The following CYP4F2 variants were observed in gnomAD, a reference collection of about 807,000 sequenced individuals.
CYP4F2 encodes the protein cytochrome P450 4F2.
A neutral mutation model predicts 58.9 loss-of-function variants in CYP4F2; 58 were observed. That is an observed-to-expected ratio of 0.98 (90% confidence interval 0.80 to 1.23). CYP4F2 has a LOEUF of 1.23. Among genes scored for constraint, CYP4F2 ranks in the 50% most tolerant of loss-of-function variants. The probability of loss-of-function intolerance (pLI) is 0.00; values close to 1 mark genes in which losing one functional copy is unlikely to be tolerated. For missense variants in CYP4F2, 616 were observed against 685.6 expected, an observed-to-expected ratio of 0.90 and a Z score of 1.13; for synonymous variants, 287 against 261.1, an observed-to-expected ratio of 1.10 and a Z score of -0.95.
In CYP4F2 at chr19:15,892,729, G is replaced by A. The variant is rs866689602; in HGVS notation, c.344-147C>T. The A allele has an allele frequency of 4.0e-6, 5 of 1,245,996 alleles. No homozygotes were observed. In the South Asian group the frequency reaches 7.5e-5, roughly 19 times the overall value. The allele number at this position is 1,245,996 out of a possible 1,614,324, so 77.2% of individuals were successfully genotyped here. On this transcript the variant is annotated intron_variant, in intron 3 of 12. Transcript: ENST00000221700. ...GAGGGCCAAGGGCAGAGGAAGAAGG[G>A]AGGATGGGGAGGGGAGGGAAGACCA...
At chr19:15,883,857 G>A (rs549103551) in intron 9 of CYP4F2, among the ~76,000 whole-genome samples, 1 of 152,060 alleles carries the variant, frequency 6.6e-6, no homozygotes, top group Non-Finnish European at 1.5e-5. Flanking sequence ...TCAGGAGTTC[G>A]AGACCAGCCT....
chr19:15,886,126 G>C lies in CYP4F2; in HGVS notation c.986-73C>G. ...CGAAGGTAGACAGCACCCATGCATT[G>C]AGGGCCTCAGGGAGGATGGGGGAAG... On this transcript the variant is annotated intron_variant, in intron 8 of 12. Coordinates refer to ENST00000221700, the MANE Select transcript of CYP4F2 (RefSeq NM_001082.5). The C allele has an allele frequency of 1.1e-5, 18 of 1,604,676 alleles. No individual in the cohort carries two copies. In the South Asian group the frequency reaches 1.9e-4, roughly 17 times the overall value.
Position 15,897,476 on chromosome 19 carries a change from G to C in CYP4F2, c.136C>G (p.Arg46Gly), listed in dbSNP as rs559132777. The C allele has an allele frequency of 6.2e-7, 1 of 1,614,000 alleles. No homozygotes were observed. The highest frequency in any genetic ancestry group is 1.3e-5 in the African/African-American group (1 of 75,000). Residue 46 changes from arginine (R) to glycine (G), a missense_variant, in exon 2 of 13, where the codon CGC becomes GGC. Coordinates refer to ENST00000221700, the MANE Select transcript of CYP4F2 (RefSeq NM_001082.5). Reference protein sequence around the residue: ...AWTYAFYDNCRRLRCFPQPPR... With the variant: ...AWTYAFYDNCGRLRCFPQPPR... ...GGTTGTGGGAAACACCGAAGGCGGCGGCAGTTGTCATAGAAGGCGTAGGTC... is the reference window on the plus strand; with the variant it reads ...GGTTGTGGGAAACACCGAAGGCGGCCGCAGTTGTCATAGAAGGCGTAGGTC...
At chr19:15,883,793 G>A (rs1297945678) in intron 9 of CYP4F2, among the ~76,000 whole-genome samples, 1 of 152,212 alleles carries the variant, frequency 6.6e-6, no homozygotes, top group Non-Finnish European at 1.5e-5. Flanking sequence ...GGGTGCGGTG[G>A]CTCATGCCTG....
At chr19:15,889,739 A>G (rs1329123175) in intron 6 of CYP4F2, 46 bp from the exon 7 acceptor site, 1 of 1,599,670 alleles carries the variant, frequency 6.3e-7, no homozygotes. Context: ...AATATACCTG[A>G]AGCCCCAGGA....
intron 9 of CYP4F2, among the ~76,000 whole-genome samples, chr19:15,885,671 G>C (rs1468685398): frequency 5.5e-5 from 4 of 72,634 alleles, no homozygotes; most frequent in Admixed American, 1.2e-4. Flanking sequence ...TGCTGAACAC[G>C]TCTAAGTGGC....
chr19:15,878,741 T>C lies in CYP4F2; in HGVS notation c.*30A>G, dbSNP rs2089321019. 2 of 1,609,606 alleles carry C rather than the reference T, an allele frequency of 1.2e-6. No homozygotes were observed. The highest frequency in any genetic ancestry group is 1.3e-5 in the African/African-American group (1 of 74,852). On this transcript the variant is annotated 3_prime_UTR_variant, in exon 13 of 13. Coordinates refer to ENST00000221700, the MANE Select transcript of CYP4F2 (RefSeq NM_001082.5). ...ACTTTTGATGAATCAGGGGTCATTT[T>C]AGTGGGGTCAGAGTGGGTCTCTGCA... is the stretch of plus-strand genomic sequence containing the variant.
chr19:15,884,280 CT>C (rs2089362338), intron 9 of CYP4F2, among the ~76,000 whole-genome samples: 1 of 151,912 alleles, frequency 6.6e-6, no homozygotes, highest in African/African-American at 2.4e-5. Context: ...CATGTTCTCA[CT>C]CACATGTGGG....
intron 7 of CYP4F2, chr19:15,886,614 A>C: frequency 1.6e-5 from 6 of 374,202 alleles, no homozygotes; most frequent in Admixed American, 4.2e-5. Flanking sequence ...GGAGAATTAA[A>C]TGGCAATTTC....
At position 15,895,597 on chromosome 19, in the gene CYP4F2, G is replaced by A. The variant is rs1053728913; in HGVS notation, c.252C>T (p.Tyr84=). 1.3e-6 allele frequency: 2 copies of A among 1,594,354 alleles called. No individual in the cohort carries two copies. The highest frequency in any genetic ancestry group is 1.7e-6 in the Non-Finnish European group (2 of 1,171,850). Residue 84 remains tyrosine, a synonymous_variant, in exon 3 of 13, where the codon TAC becomes TAT. Coordinates refer to ENST00000221700, the MANE Select transcript of CYP4F2 (RefSeq NM_001082.5). ...CCATCCAGACCTTAAAGCCCTGGGG[G>A]TAGGTGGCCACCAGCTGAGTCAGAA... The part of the protein sequence containing the change: ...MRVLTQLVAT[Y]PQGFKVWMGP...
chr19:15,892,481 C>T (rs1568473301), intron 4 of CYP4F2, 45 bp from the exon 5 acceptor site: 5 of 1,613,934 alleles, frequency 3.1e-6, no homozygotes, highest in East Asian at 4.5e-5. Context: ...TCTCCCTCCC[C>T]TGGCCCCCCA....
At chr19:15,881,585 A>AGATG (rs939040426) in intron 9 of CYP4F2, among the ~76,000 whole-genome samples, 4 of 31,066 alleles carry the variant, frequency 1.3e-4, no homozygotes, top group African/African-American at 2.6e-4. Flanking sequence ...ATAGATAGAT[A>AGATG]GATAGATAGA....
intron 3 of CYP4F2, among the ~76,000 whole-genome samples, chr19:15,892,860 C>T (rs1294008418): frequency 6.6e-6 from 1 of 152,164 alleles, no homozygotes; most frequent in Non-Finnish European, 1.5e-5. Flanking sequence ...CACGATCCAA[C>T]ATGTTCCGCA....
At chr19:15,887,395 C>A (rs1047437920) in intron 7 of CYP4F2, among the ~76,000 whole-genome samples, 2 of 150,380 alleles carry the variant, frequency 1.3e-5, no homozygotes, top group African/African-American at 2.5e-5. Flanking sequence ...AAAACACAGA[C>A]TTAGAAACAC....
At chr19:15,887,671 T>G (rs1026550465) in intron 7 of CYP4F2, among the ~76,000 whole-genome samples, 2 of 140,776 alleles carry the variant, frequency 1.4e-5, no homozygotes, top group African/African-American at 5.4e-5. Flanking sequence ...CACATAAACA[T>G]AGACATAGAC....
chr19:15,880,049 G>A lies in CYP4F2; in HGVS notation c.1116-152C>T, dbSNP rs1373660277. ...AAGTCGCAAGAATAAAAATAGTGTG[G>A]CACTGTGGCAAAAATGAGAAAACAG... On this transcript the variant is annotated intron_variant, in intron 9 of 12. Transcript: ENST00000221700. 18 of 1,525,200 alleles carry A rather than the reference G, an allele frequency of 1.2e-5. No homozygotes were observed. In the Admixed American group the frequency reaches 1.4e-4, roughly 12 times the overall value. 94.5% of individuals were successfully genotyped at this position (1,525,200 alleles called of 1,614,324 possible).
chr19:15,879,633 G>T lies in CYP4F2; in HGVS notation c.1285C>A (p.His429Asn), dbSNP rs1311208889. 6.2e-7 allele frequency: 1 copy of T among 1,614,178 alleles called. No individual in the cohort carries two copies. Residue 429 changes from histidine to asparagine, a missense_variant, in exon 11 of 13, where the codon CAC (histidine) becomes AAC (asparagine). By Grantham distance (68) the His-to-Asn change is moderately conservative. Coordinates refer to ENST00000221700, the MANE Select transcript of CYP4F2 (RefSeq NM_001082.5). ...GGGTCCGGCCACACAGCTGGGTTGT[G>T]ATGGGTTCCGAAAACACTGATGAGG... is the stretch of plus-strand genomic sequence containing the variant. ...ICLISVFGTH[H>N]NPAVWPDPEV...
intron 11 of CYP4F2, 77 bp from the exon 12 acceptor site, chr19:15,879,505 T>G: frequency 3.1e-6 from 5 of 1,608,148 alleles, no homozygotes; most frequent in Non-Finnish European, 4.3e-6. Flanking sequence ...CAGTTGTGTG[T>G]GTCTTTGAGG....
chr19:15,884,318 T>C (rs2089362588), intron 9 of CYP4F2, among the ~76,000 whole-genome samples: 1 of 151,472 alleles, frequency 6.6e-6, no homozygotes, highest in Non-Finnish European at 1.5e-5. Flanking sequence ...CTCATGAAAG[T>C]AGAAGGTAGA....
Sources: gnomAD v4.1 joint callset for allele counts (sites outside exome capture counted in the v4.1 genomes callset) on GRCh38, gnomAD v4.1.1 for gene constraint, MANE v1.5 for transcripts, NCBI Gene and HGNC (gene_info 2026-07-23, HGNC 2026-07-21) for gene names.